CASD1: variants seen among roughly 807,000 people sequenced by gnomAD.
CASD1 encodes CAS1 domain sialic acid O acetyltransferase 1, also known as N-acetylneuraminate (7)9-O-acetyltransferase.
CASD1 carries 41 observed loss-of-function variants against 100.0 expected under a neutral mutation model. The ratio of observed to expected loss-of-function variants is 0.41; its 90% CI spans 0.32 to 0.53. The LOEUF is 0.53. CASD1 is among the 20% of genes least tolerant of loss of function. The pLI, the probability that CASD1 is intolerant of heterozygous loss-of-function variation, is 0.25. For missense variants in CASD1, 774 were observed against 948.7 expected (o/e 0.82, Z 2.42); for synonymous variants, 321 against 315.6 (o/e 1.02, Z -0.18).
the CASD1 span, among the ~76,000 whole-genome samples, chr7:94,562,365 A>G: frequency 6.6e-6 from 1 of 152,126 alleles, no homozygotes; most frequent in Non-Finnish European, 1.5e-5. Flanking sequence ...TGGTAGTCCT[A>G]AGTGTTTCTT....
rs746099416 is a variant in CASD1, at chr7:94,549,557, C to T, written c.1738C>T (p.Leu580Phe). ...GGGTGCATTTGAGAAGATCTTTTCT[C>T]TTTGGCCATTGTCCAAGTGTTTTGA... ...SQGAFEKIFS[L>F]WPLSKCFELK... Residue 580 changes from leucine to phenylalanine, a missense_variant, in exon 14 of 18, where the codon CTT becomes TTT. Leu to Phe is a conservative substitution (Grantham distance 22, BLOSUM62 0). Transcript: ENST00000297273. 10 of 1,610,360 alleles carry T rather than the reference C, an allele frequency of 6.2e-6. No homozygotes were observed. The South Asian group carries it at 8.8e-5, about 14-fold the overall frequency.
At position 94,509,933 on chromosome 7, in the gene CASD1, C is replaced by T. The variant is rs1223213318; in HGVS notation, c.-152C>T. On this transcript the variant is annotated 5_prime_UTR_variant, in exon 1 of 18. Transcript: ENST00000297273. ...GCGGAGGTCGGGGGCGCCGCGGCCGCGGGGTCAGGTTCCCCGGCGGGAGGC... is the reference window on the plus strand; with the variant it reads ...GCGGAGGTCGGGGGCGCCGCGGCCGTGGGGTCAGGTTCCCCGGCGGGAGGC... 3.6e-5 allele frequency: 42 copies of T among 1,165,690 alleles called. No individual in the cohort carries two copies. Among genetic ancestry groups the T allele is most frequent in the East Asian group, 1.6e-4 (4 of 24,570 alleles). 72.2% of individuals were successfully genotyped at this position (1,165,690 alleles called of 1,614,324 possible).
At chr7:94,628,574 A>G in the CASD1 span, 3 of 537,092 alleles carry the variant, frequency 5.6e-6, no homozygotes, top group East Asian at 6.4e-5. Flanking sequence ...TGATGCAACA[A>G]AGAAAGCAGA....
intron 5 of CASD1, among the ~76,000 whole-genome samples, chr7:94,528,671 A>G (rs1375664145): frequency 6.6e-6 from 1 of 151,870 alleles, no homozygotes; most frequent in Non-Finnish European, 1.5e-5. Context: ...TTTTATTATT[A>G]TATTTGTGAC....
the CASD1 span, among the ~76,000 whole-genome samples, chr7:94,616,577 G>T: frequency 6.6e-6 from 1 of 152,058 alleles, no homozygotes; most frequent in Non-Finnish European, 1.5e-5. Context: ...AAGGCAGAAA[G>T]CATATTAAGT....
chr7:94,561,979 A>G (rs1796346044), downstream of CASD1, among the ~76,000 whole-genome samples: 1 of 152,184 alleles, frequency 6.6e-6, no homozygotes, highest in African/African-American at 2.4e-5. Flanking sequence ...GCCATTGGTT[A>G]GCATTGCAGG....
the CASD1 span, among the ~76,000 whole-genome samples, chr7:94,609,675 C>G: frequency 6.6e-6 from 1 of 152,188 alleles, no homozygotes; most frequent in Non-Finnish European, 1.5e-5. Context: ...ATACGCAACA[C>G]ACAGATTGGC....
intron 3 of CASD1, among the ~76,000 whole-genome samples, chr7:94,524,959 G>A (rs1373430757): frequency 6.6e-6 from 1 of 152,094 alleles, no homozygotes; most frequent in East Asian, 1.9e-4. Flanking sequence ...GATATGGACT[G>A]TGTATTAAAT....
At chr7:94,571,416 G>A in the CASD1 span, among the ~76,000 whole-genome samples, 5 of 152,072 alleles carry the variant, frequency 3.3e-5, no homozygotes, top group Non-Finnish European at 7.4e-5. Flanking sequence ...GTTCCGCACT[G>A]CCCCCACCCC....
chr7:94,629,523 A>T, the CASD1 span: 1 of 535,822 alleles, frequency 1.9e-6, no homozygotes. Context: ...TGCTTTCCTT[A>T]ACATTCAAAA....
the CASD1 span, among the ~76,000 whole-genome samples, chr7:94,593,708 A>G: frequency 6.6e-6 from 1 of 152,096 alleles, no homozygotes; most frequent in East Asian, 1.9e-4. Context: ...GCTGAGAAGT[A>G]TAAACTCCCA....
chr7:94,606,106 G>C, the CASD1 span, among the ~76,000 whole-genome samples: 2 of 152,142 alleles, frequency 1.3e-5, no homozygotes, highest in African/African-American at 2.4e-5. Flanking sequence ...TGGGATTACA[G>C]GCGTGAGCTA....
chr7:94,515,707 G>T (rs1793945053), intron 1 of CASD1, among the ~76,000 whole-genome samples: 2 of 151,820 alleles, frequency 1.3e-5, no homozygotes, highest in Admixed American at 6.6e-5. Flanking sequence ...AAGACAAAAG[G>T]CAAATAACAA....
chr7:94,525,493 A>C (rs1794517853), intron 3 of CASD1, among the ~76,000 whole-genome samples: 1 of 152,140 alleles, frequency 6.6e-6, no homozygotes. Flanking sequence ...GTGCTTTGTG[A>C]TTTTCATATA....
At chr7:94,604,816 TATATATATATA>T in the CASD1 span, among the ~76,000 whole-genome samples, 1 of 27,982 alleles carries the variant, frequency 3.6e-5, no homozygotes, top group East Asian at 2.5e-3. Context: ...AATATATATA[TATATATATATA>T]TATATATATA....
the CASD1 span, chr7:94,623,745 AAAC>A: frequency 2.5e-6 from 1 of 396,924 alleles, no homozygotes; most frequent in Admixed American, 4.3e-5. Flanking sequence ...TTCAAAAAAA[AAAC>A]AATAATTTTT....
chr7:94,590,279 TAAA>T, the CASD1 span, among the ~76,000 whole-genome samples: 1 of 152,094 alleles, frequency 6.6e-6, no homozygotes, highest in Admixed American at 6.6e-5. Context: ...TATTTTTAAT[TAAA>T]AAAATCTCAA....
At chr7:94,542,920 G>A (rs1795485188) in intron 10 of CASD1, among the ~76,000 whole-genome samples, 1 of 152,110 alleles carries the variant, frequency 6.6e-6, no homozygotes, top group South Asian at 2.1e-4. Flanking sequence ...ATGATGAAGG[G>A]CAATAAATAA....
chr7:94,566,368 CAA>C, the CASD1 span, among the ~76,000 whole-genome samples: 1 of 150,410 alleles, frequency 6.6e-6, no homozygotes, highest in Non-Finnish European at 1.5e-5. Context: ...AGCATATAAA[CAA>C]AAGAAAGCAA....
Sources: gnomAD v4.1 joint callset for allele counts (sites outside exome capture counted in the v4.1 genomes callset) on GRCh38, gnomAD v4.1.1 for gene constraint, MANE v1.5 for transcripts, NCBI Gene and HGNC (gene_info 2026-07-23, HGNC 2026-07-21) for gene names.